Variants in EYA4 observed in about 807,000 individuals in gnomAD.
EYA4 encodes the protein protein phosphatase EYA4.
A neutral mutation model predicts 87.9 loss-of-function variants in EYA4; 31 were observed. The observed-to-expected ratio is 0.35, with a 90% CI of 0.27 to 0.48. EYA4 has a LOEUF of 0.48. EYA4 is among the 20% of genes least tolerant of loss of function. The pLI is 0.99. For synonymous variants in EYA4, 263 were observed against 270.6 expected, an observed-to-expected ratio of 0.97 and a Z score of 0.28; for missense variants, 678 against 761.4, an observed-to-expected ratio of 0.89 and a Z score of 1.29.
Position 133,523,240 on chromosome 6 carries a change from C to T in EYA4, c.1738+63C>T, listed in dbSNP as rs535291988. 48 of 1,556,124 alleles carry T rather than the reference C, an allele frequency of 3.1e-5. No individual in the cohort carries two copies. The South Asian group carries it at 5.0e-4, about 16-fold the overall frequency. ...CACATCTGTGTGTCTCTGCCTAGTTCCCTTTTTCAGCAATTTCACTTAGTA... is the reference window on the plus strand; with the variant it reads ...CACATCTGTGTGTCTCTGCCTAGTTTCCTTTTTCAGCAATTTCACTTAGTA... On this transcript the variant is annotated intron_variant, in intron 18 of 19. Transcript: ENST00000355286.
intron 17 of EYA4, among the ~76,000 whole-genome samples, chr6:133,516,722 C>CAAAAATAAAAA (rs1799631451): frequency 8.1e-6 from 1 of 122,904 alleles, no homozygotes; most frequent in African/African-American, 2.9e-5. Flanking sequence ...GACTCTGTCT[C>CAAAAATAAAAA]AAAAAAAAAA....
chr6:133,298,556 G>A (rs1779119615), intron 2 of EYA4, among the ~76,000 whole-genome samples: 1 of 152,110 alleles, frequency 6.6e-6, no homozygotes, highest in Non-Finnish European at 1.5e-5. Context: ...ATAGCATAGA[G>A]GTAAACAATC....
rs760845191 is a variant in EYA4, at chr6:133,274,767, A to G, written c.-14A>G. 31 of 1,612,384 alleles carry G rather than the reference A, an allele frequency of 1.9e-5. No homozygotes were observed. The East Asian group carries it at 6.9e-4, about 36-fold the overall frequency. ...GCTTCTACTTGGGAGTGGCAGGAGA[A>G]GTGAGAAAACCACATGGAAGACTCC... On this transcript the variant is annotated 5_prime_UTR_variant, in exon 2 of 20. Coordinates refer to ENST00000355286, the MANE Select transcript of EYA4 (RefSeq NM_004100.5).
chr6:133,495,502 C>A (rs1797580429), intron 13 of EYA4, among the ~76,000 whole-genome samples: 1 of 113,550 alleles, frequency 8.8e-6, no homozygotes, highest in Non-Finnish European at 1.9e-5. Flanking sequence ...GAGAGGTAGG[C>A]AAGGGCTGGA....
At chr6:133,278,866 C>A (rs969977721) in intron 2 of EYA4, among the ~76,000 whole-genome samples, 1 of 152,050 alleles carries the variant, frequency 6.6e-6, no homozygotes, top group Admixed American at 6.6e-5. Context: ...TAAGTTATAG[C>A]CAGTTACAGC....
At chr6:133,500,969 A>G (rs1257089579) in intron 13 of EYA4, among the ~76,000 whole-genome samples, 3 of 152,062 alleles carry the variant, frequency 2.0e-5, no homozygotes, top group African/African-American at 4.8e-5. Context: ...GGCCTCTCAC[A>G]TACATTCAGT....
chr6:133,353,713 T>A (rs1016891236), intron 2 of EYA4, among the ~76,000 whole-genome samples: 2 of 152,158 alleles, frequency 1.3e-5, no homozygotes, highest in African/African-American at 4.8e-5. Flanking sequence ...AAACACATCC[T>A]CTTGAAAGTG....
chr6:133,265,632 G>A (rs901081208), intron 1 of EYA4, among the ~76,000 whole-genome samples: 2 of 152,014 alleles, frequency 1.3e-5, no homozygotes, highest in Non-Finnish European at 2.9e-5. Context: ...AAAATCACTA[G>A]GCTCATAATA....
chr6:133,329,843 AGACGTGAATGGT>A (rs1781785131), intron 2 of EYA4, among the ~76,000 whole-genome samples: 1 of 152,238 alleles, frequency 6.6e-6, no homozygotes, highest in Non-Finnish European at 1.5e-5. Context: ...AATTATTTAT[AGACGTGAATGGT>A]GACGTGATGT....
chr6:133,262,737 A>G (rs753166789), intron 1 of EYA4, among the ~76,000 whole-genome samples: 1 of 152,152 alleles, frequency 6.6e-6, no homozygotes, highest in Non-Finnish European at 1.5e-5. Context: ...CCCCATTATC[A>G]TTTTTTAAAC....
chr6:133,246,133 C>T (rs1433767993), intron 1 of EYA4, among the ~76,000 whole-genome samples: 1 of 152,166 alleles, frequency 6.6e-6, no homozygotes, highest in African/African-American at 2.4e-5. Flanking sequence ...CTCTGAGTCT[C>T]ACTGTAACCT....
rs557146107 is a variant in EYA4, at chr6:133,514,633, C to T, written c.1502-688C>T. On this transcript the variant is annotated intron_variant, in intron 16 of 19. Coordinates refer to ENST00000355286, the MANE Select transcript of EYA4 (RefSeq NM_004100.5). ...GAAACCTTCCTTTTTAATGGATTTA[C>T]ATGATCTTGTTTTATCATAAAAGCA... 7.9e-5 allele frequency among the ~76,000 whole-genome samples: 12 copies of T among 152,270 alleles called. No homozygotes were observed. In the South Asian group the frequency reaches 2.5e-3, roughly 32 times the overall value.
At chr6:133,457,476 C>T (rs3777863) in intron 6 of EYA4, among the ~76,000 whole-genome samples, 8,970 of 152,008 alleles carry the variant, frequency 0.059, 455 homozygotes, top group East Asian at 0.22. Flanking sequence ...TCCATGTGCT[C>T]ATGTTATAAG....
intron 4 of EYA4, 89 bp from the exon 5 acceptor site, chr6:133,448,022 G>T: frequency 2.0e-6 from 2 of 1,024,398 alleles, no homozygotes; most frequent in Non-Finnish European, 3.1e-6. Flanking sequence ...TTGGCTAAAA[G>T]GTCAGAAACC....
At chr6:133,333,185 G>A (rs1269104414) in intron 2 of EYA4, among the ~76,000 whole-genome samples, 1 of 152,128 alleles carries the variant, frequency 6.6e-6, no homozygotes, top group East Asian at 1.9e-4. Flanking sequence ...TAGACTGTAA[G>A]CCTTGAGAAG....
chr6:133,316,244 T>C (rs547881826), intron 2 of EYA4, among the ~76,000 whole-genome samples: 1 of 152,274 alleles, frequency 6.6e-6, no homozygotes, highest in East Asian at 1.9e-4. Context: ...TTCTTTGATA[T>C]TATAAAGTGT....
In EYA4 at chr6:133,529,083, T is replaced by C. The variant is rs1800854736; in HGVS notation, c.*278T>C. Reference sequence around the variant, plus strand: ...CACACCAAATGAGTCCAAACTGGAATGAGCAGCTTTAGCAAAGAACTCTTA... The same window carrying C: ...CACACCAAATGAGTCCAAACTGGAACGAGCAGCTTTAGCAAAGAACTCTTA... On this transcript the variant is annotated 3_prime_UTR_variant, in exon 20 of 20. Transcript: ENST00000355286. The C allele has an allele frequency of 7.4e-6, 9 of 1,221,796 alleles. No individual in the cohort carries two copies. Among genetic ancestry groups the C allele is most frequent in the Non-Finnish European group, 8.3e-6 (8 of 967,834 alleles). 75.7% of individuals were successfully genotyped at this position (1,221,796 alleles called of 1,614,324 possible). A position where few individuals can be genotyped will look rare whatever the true frequency, so the allele number is the denominator to read the frequency against.
At chr6:133,513,415 C>T (rs539249458) in intron 16 of EYA4, among the ~76,000 whole-genome samples, 70 of 152,184 alleles carry the variant, frequency 4.6e-4, no homozygotes, top group African/African-American at 1.5e-3. Context: ...CATTGAAGGA[C>T]GGTGGTTAGC....
At chr6:133,476,448 A>G (rs1795741241) in intron 11 of EYA4, among the ~76,000 whole-genome samples, 1 of 151,808 alleles carries the variant, frequency 6.6e-6, no homozygotes, top group Non-Finnish European at 1.5e-5. Context: ...CATCTTACTC[A>G]CTTCTTCTAC....
Sources: gnomAD v4.1 joint callset for allele counts (sites outside exome capture counted in the v4.1 genomes callset) on GRCh38, gnomAD v4.1.1 for gene constraint, MANE v1.5 for transcripts, NCBI Gene and HGNC (gene_info 2026-07-23, HGNC 2026-07-21) for gene names.